SLC44A5: variants seen among roughly 807,000 people sequenced by gnomAD.
SLC44A5 encodes solute carrier family 44 member 5.
A neutral mutation model predicts 101.8 loss-of-function variants in SLC44A5; 57 were observed. The observed-to-expected ratio is 0.56, with a 90% CI of 0.45 to 0.70. The LOEUF is 0.70. Ranked by LOEUF, SLC44A5 falls within the 30% of genes least tolerant of loss-of-function variation. The pLI is 0.00. For synonymous variants in SLC44A5, 281 were observed against 290.9 expected (o/e 0.97, Z 0.35); for missense variants, 737 against 853.1 (o/e 0.86, Z 1.70).
intron 1 of SLC44A5, among the ~76,000 whole-genome samples, chr1:75,571,001 A>G (rs1673045268): frequency 1.3e-5 from 2 of 152,168 alleles, no homozygotes; most frequent in South Asian, 4.1e-4. Flanking sequence ...CCAGATGGAC[A>G]GCCCACCCAA....
chr1:75,377,195 T>A (rs1660691392), intron 3 of SLC44A5, among the ~76,000 whole-genome samples: 1 of 147,250 alleles, frequency 6.8e-6, no homozygotes, highest in South Asian at 2.3e-4. Flanking sequence ...TGCCTTGAGA[T>A]TCTGTTAATC....
chr1:75,359,414 T>A (rs994139126), intron 3 of SLC44A5, among the ~76,000 whole-genome samples: 1 of 151,240 alleles, frequency 6.6e-6, no homozygotes, highest in African/African-American at 2.4e-5. Context: ...TTGTATTTTT[T>A]TTTTTTTTAA....
At chr1:75,501,384 A>G (rs1437439114) in intron 2 of SLC44A5, among the ~76,000 whole-genome samples, 1 of 152,180 alleles carries the variant, frequency 6.6e-6, no homozygotes, top group Non-Finnish European at 1.5e-5. Flanking sequence ...CAAAATAGAT[A>G]ATAAATCAGA....
chr1:75,647,340 A>T, the SLC44A5 span, among the ~76,000 whole-genome samples: 1 of 152,238 alleles, frequency 6.6e-6, no homozygotes, highest in Admixed American at 6.5e-5. Flanking sequence ...AAATGCCTGG[A>T]TGTCCAGGCA....
chr1:75,250,618 G>C (rs6657914), intron 7 of SLC44A5, among the ~76,000 whole-genome samples: 3,841 of 152,238 alleles, frequency 0.025, 175 homozygotes, highest in African/African-American at 0.088. Flanking sequence ...GAGTGGAAAT[G>C]CAATGTGTGA....
the SLC44A5 span, among the ~76,000 whole-genome samples, chr1:75,702,860 G>A: frequency 6.6e-6 from 1 of 152,166 alleles, no homozygotes; most frequent in Non-Finnish European, 1.5e-5. Context: ...GATATGAACA[G>A]ACACCTCTCA....
intron 2 of SLC44A5, among the ~76,000 whole-genome samples, chr1:75,477,439 T>C (rs899307509): frequency 2.0e-5 from 3 of 152,066 alleles, no homozygotes; most frequent in Non-Finnish European, 4.4e-5. Context: ...AGGCTTCAGA[T>C]GATCAAACTA....
At chr1:75,396,475 A>G in intron 3 of SLC44A5, 108 bp downstream of exon 3, 1 of 946,556 alleles carries the variant, frequency 1.1e-6, no homozygotes, top group Non-Finnish European at 1.6e-6. Flanking sequence ...ATTATTCTTT[A>G]CCAAACAAAT....
At chr1:75,210,429 G>T (rs1055107045) in intron 23 of SLC44A5, among the ~76,000 whole-genome samples, 1 of 152,120 alleles carries the variant, frequency 6.6e-6, no homozygotes, top group Non-Finnish European at 1.5e-5. Context: ...GTATAAGTCA[G>T]TGATGAAAGC....
intron 13 of SLC44A5, among the ~76,000 whole-genome samples, chr1:75,224,710 A>G (rs945170469): frequency 2.6e-5 from 4 of 152,074 alleles, no homozygotes; most frequent in Non-Finnish European, 5.9e-5. Flanking sequence ...TGCTAGGATT[A>G]TAGGCATGAG....
intron 1 of SLC44A5, among the ~76,000 whole-genome samples, chr1:75,576,838 G>A (rs557597098): frequency 5.3e-5 from 8 of 152,328 alleles, no homozygotes; most frequent in South Asian, 2.1e-4. Flanking sequence ...GATGAATAAA[G>A]AGAAGTTAAC....
At chr1:75,673,403 T>G in the SLC44A5 span, among the ~76,000 whole-genome samples, 296 of 151,928 alleles carry the variant, frequency 1.9e-3, 1 homozygote, top group African/African-American at 6.7e-3. Flanking sequence ...TGTAGTAGAA[T>G]AGACCACCAG....
chr1:75,350,339 C>A (rs1658554317), intron 3 of SLC44A5, among the ~76,000 whole-genome samples: 1 of 151,898 alleles, frequency 6.6e-6, no homozygotes, highest in African/African-American at 2.4e-5. Context: ...CAACCAGAAT[C>A]AAATCAGCCC....
intron 4 of SLC44A5, among the ~76,000 whole-genome samples, chr1:75,332,121 A>T (rs1355367698): frequency 6.6e-6 from 1 of 152,212 alleles, no homozygotes; most frequent in African/African-American, 2.4e-5. Flanking sequence ...GATGCCCATG[A>T]ATGCACATAA....
At position 75,476,679 on chromosome 1, in the gene SLC44A5, G is replaced by A. The variant is rs894390233; in HGVS notation, c.13+64756C>T. Among the ~76,000 whole-genome samples the A allele has an allele frequency of 2.0e-5, 3 of 152,230 alleles. No homozygotes were observed. The South Asian group carries it at 6.2e-4, about 31-fold the overall frequency. On this transcript the variant is annotated intron_variant, in intron 2 of 23. Transcript: ENST00000370859. Reference sequence around the variant, plus strand: ...ACAGCAGTCTGAGATCAAACTGCAAGGCGGCAGCAAGGCTGCGGGAGGGGC... The same window carrying A: ...ACAGCAGTCTGAGATCAAACTGCAAAGCGGCAGCAAGGCTGCGGGAGGGGC...
In SLC44A5 at chr1:75,496,485, C is replaced by A. The variant is rs551711894; in HGVS notation, c.13+44950G>T. ...CTCAAAATGGATTAAAGACTTAAAC[C>A]TGAGACTTGAAACTGTAAAACTTCT... On this transcript the variant is annotated intron_variant, in intron 2 of 23. Coordinates refer to ENST00000370859, the MANE Select transcript of SLC44A5 (RefSeq NM_001130058.2). 2.4e-4 allele frequency among the ~76,000 whole-genome samples: 37 copies of A among 151,852 alleles called. 1 individual carries two copies. The South Asian group carries it at 6.6e-3, about 27-fold the overall frequency.
At chr1:75,427,725 A>G (rs1370445775) in intron 2 of SLC44A5, among the ~76,000 whole-genome samples, 3 of 152,240 alleles carry the variant, frequency 2.0e-5, no homozygotes, top group African/African-American at 7.2e-5. Flanking sequence ...CTTTAAAATG[A>G]GAATAATAAA....
rs952692415 is a variant in SLC44A5 at position 75,508,695 on chromosome 1, G to T, written c.13+32740C>A. On this transcript the variant is annotated intron_variant, in intron 2 of 23. Coordinates refer to ENST00000370859, the MANE Select transcript of SLC44A5 (RefSeq NM_001130058.2). ...CAACCAATCCCACAGAAATACAAAAGATTCTCAGAGACTATTATGAACATC... is the reference window on the plus strand; with the variant it reads ...CAACCAATCCCACAGAAATACAAAATATTCTCAGAGACTATTATGAACATC... Among the ~76,000 whole-genome samples, 3 of 152,026 alleles carry T rather than the reference G, an allele frequency of 2.0e-5. No homozygotes were observed. The East Asian group carries it at 5.8e-4, about 29-fold the overall frequency.
At chr1:75,627,061 A>T in the SLC44A5 span, among the ~76,000 whole-genome samples, 1 of 152,044 alleles carries the variant, frequency 6.6e-6, no homozygotes. Flanking sequence ...TCCCATCTCC[A>T]TCTTTTAAAG....
Sources: gnomAD v4.1 joint callset for allele counts (sites outside exome capture counted in the v4.1 genomes callset) on GRCh38, gnomAD v4.1.1 for gene constraint, MANE v1.5 for transcripts, NCBI Gene and HGNC (gene_info 2026-07-23, HGNC 2026-07-21) for gene names.